Variants in EGFLAM observed in about 807,000 individuals in gnomAD.
EGFLAM encodes the protein EGF like, fibronectin type III and laminin G domains.
A neutral mutation model predicts 113.1 loss-of-function variants in EGFLAM; 79 were observed. The ratio of observed to expected loss-of-function variants is 0.70; its 90% CI spans 0.58 to 0.84. The LOEUF (loss-of-function observed/expected upper bound fraction) is 0.84, where lower values mean the gene tolerates loss of function less well. Ranked by LOEUF, EGFLAM falls within the 40% of genes least tolerant of loss-of-function variation. The pLI is 0.00. For synonymous variants in EGFLAM, 504 were observed against 487.6 expected, an observed-to-expected ratio of 1.03 and a Z score of -0.44; for missense variants, 1,265 against 1,291.6, an observed-to-expected ratio of 0.98 and a Z score of 0.32.
intron 1 of EGFLAM, among the ~76,000 whole-genome samples, chr5:38,320,866 G>T (rs1050504612): frequency 6.6e-6 from 1 of 151,934 alleles, no homozygotes; most frequent in African/African-American, 2.4e-5. Context: ...CCATCTCATG[G>T]GCCTGGAGCA....
intron 17 of EGFLAM, among the ~76,000 whole-genome samples, chr5:38,443,405 A>T (rs1464797250): frequency 1.3e-5 from 2 of 152,232 alleles, no homozygotes; most frequent in Non-Finnish European, 2.9e-5. Context: ...TGTGGATGGT[A>T]TATCATTAAA....
At chr5:38,279,991 G>T (rs74927862) in intron 1 of EGFLAM, among the ~76,000 whole-genome samples, 1,913 of 152,104 alleles carry the variant, frequency 0.013, 38 homozygotes, top group African/African-American at 0.043. Context: ...CACACAATTT[G>T]ATCTTTCAAC....
intron 19 of EGFLAM, 142 bp from the exon 20 acceptor site, chr5:38,458,169 T>C: frequency 1.5e-6 from 1 of 664,488 alleles, no homozygotes; most frequent in African/African-American, 1.8e-5. Flanking sequence ...CCAACAACTT[T>C]TATAACACTC....
rs149878766 is a variant in EGFLAM at position 38,412,729 on chromosome 5, G to A, written c.1494+81G>A. ...TGAGAAGGGCTTACTGCAGAGAGCC[G>A]TGGCAGAGTCTGCAGGATTCAAGTT... On this transcript the variant is annotated intron_variant, in intron 11 of 21. Coordinates refer to ENST00000322350, the MANE Select transcript of EGFLAM (RefSeq NM_152403.4). 2.7e-4 allele frequency: 411 copies of A among 1,524,276 alleles called. 3 individuals carry two copies. Among genetic ancestry groups the A allele is most frequent in the East Asian group, 2.1e-3 (88 of 42,454 alleles). 94.4% of individuals were successfully genotyped at this position (1,524,276 alleles called of 1,614,324 possible).
At chr5:38,308,973 G>A (rs1758796483) in intron 1 of EGFLAM, among the ~76,000 whole-genome samples, 1 of 152,144 alleles carries the variant, frequency 6.6e-6, no homozygotes, top group Non-Finnish European at 1.5e-5. Flanking sequence ...AGGAACACTG[G>A]TGTACTAGAG....
chr5:38,416,956 G>T (rs1405435724), intron 11 of EGFLAM, among the ~76,000 whole-genome samples: 1 of 152,152 alleles, frequency 6.6e-6, no homozygotes, highest in African/African-American at 2.4e-5. Context: ...TTATGTTTCA[G>T]AGTCTTACAC....
chr5:38,260,608 A>G (rs1757476422), intron 1 of EGFLAM, among the ~76,000 whole-genome samples: 1 of 152,192 alleles, frequency 6.6e-6, no homozygotes, highest in Admixed American at 6.5e-5. Flanking sequence ...ACCACCTCTT[A>G]AATACTTTGG....
At chr5:38,409,802 G>T (rs781740621) in intron 10 of EGFLAM, among the ~76,000 whole-genome samples, 10 of 152,140 alleles carry the variant, frequency 6.6e-5, no homozygotes, top group Non-Finnish European at 1.5e-4. Flanking sequence ...TGCCTCCACT[G>T]CCCTCATCGT....
chr5:38,393,171 T>C (rs1740860848), intron 6 of EGFLAM, among the ~76,000 whole-genome samples: 1 of 152,248 alleles, frequency 6.6e-6, no homozygotes, highest in Non-Finnish European at 1.5e-5. Context: ...AATTAGATTG[T>C]ATTTATAAAC....
At chr5:38,308,944 T>G (rs1758795919) in intron 1 of EGFLAM, among the ~76,000 whole-genome samples, 1 of 152,218 alleles carries the variant, frequency 6.6e-6, no homozygotes, top group African/African-American at 2.4e-5. Context: ...AAATGTTGTG[T>G]TGGTAGCTGT....
Position 38,406,225 on chromosome 5 carries a change from A to T in EGFLAM, c.812A>T (p.Asp271Val). 1 of 1,614,122 alleles carries T rather than the reference A, an allele frequency of 6.2e-7. No individual in the cohort carries two copies. Among genetic ancestry groups the T allele is most frequent in the Non-Finnish European group, 8.5e-7 (1 of 1,179,982 alleles). ...GGATTTGAAGACGACTTAGATTTGG[A>T]TATTTCCTTTGAGGAGGTAACAATA... is the stretch of plus-strand genomic sequence containing the variant. ...DEGFEDDLDLDISFEEVKPLP... is the reference protein window; with the variant it reads ...DEGFEDDLDLVISFEEVKPLP... The change falls in exon 7 of 22, where the codon GAT (aspartate) becomes GTT (valine). Residue 271 changes from aspartate to valine, a missense_variant. Coordinates refer to ENST00000322350, the MANE Select transcript of EGFLAM (RefSeq NM_152403.4).
chr5:38,386,037 T>G (rs1320051842), intron 6 of EGFLAM, among the ~76,000 whole-genome samples: 1 of 152,172 alleles, frequency 6.6e-6, no homozygotes, highest in Non-Finnish European at 1.5e-5. Context: ...CAATTACACA[T>G]GGAAAAGGTA....
chr5:38,422,050 G>A (rs74983833), intron 12 of EGFLAM, among the ~76,000 whole-genome samples: 2,901 of 152,102 alleles, frequency 0.019, 93 homozygotes, highest in African/African-American at 0.064. Flanking sequence ...AGATCATTAG[G>A]GGAAAAATAG....
At chr5:38,274,781 A>C (rs1757846221) in intron 1 of EGFLAM, among the ~76,000 whole-genome samples, 2 of 152,222 alleles carry the variant, frequency 1.3e-5, no homozygotes, top group African/African-American at 4.8e-5. Flanking sequence ...GAATGGTAAA[A>C]GTAAGTACAC....
intron 3 of EGFLAM, among the ~76,000 whole-genome samples, chr5:38,343,371 A>C (rs1055104122): frequency 4.1e-5 from 6 of 146,548 alleles, no homozygotes; most frequent in African/African-American, 1.5e-4. Flanking sequence ...GCGCCATTGC[A>C]CTCTAGCCTG....
chr5:38,443,559 A>T (rs1433441122), intron 17 of EGFLAM, among the ~76,000 whole-genome samples: 3 of 152,138 alleles, frequency 2.0e-5, no homozygotes, highest in African/African-American at 7.2e-5. Flanking sequence ...CTCTGTACCT[A>T]GTAGAATGGT....
In EGFLAM at chr5:38,337,563, C is replaced by A. The variant is rs1739221023; in HGVS notation, c.141C>A (p.Asn47Lys). Residue 47 changes from asparagine (N) to lysine (K), a missense_variant, in exon 2 of 22, where the codon AAC becomes AAA. Transcript: ENST00000322350. ...PPLDIKLGAL[N>K]CTAFSIQWKM... ...TTGACATCAAGCTGGGCGCATTGAA[C>A]TGTACGGCTTTCAGCATCCAGTGGA... 6.2e-7 allele frequency: 1 copy of A among 1,606,946 alleles called. No homozygotes were observed. Among genetic ancestry groups the A allele is most frequent in the East Asian group, 2.2e-5 (1 of 44,828 alleles).
intron 8 of EGFLAM, 73 bp downstream of exon 8, chr5:38,407,219 C>A: frequency 6.7e-7 from 1 of 1,500,064 alleles, no homozygotes; most frequent in South Asian, 1.2e-5. Flanking sequence ...GTTTTGTGGT[C>A]CAAACATAGT....
chr5:38,462,188 TAAAC>T (rs900135503), intron 20 of EGFLAM, among the ~76,000 whole-genome samples: 1 of 151,924 alleles, frequency 6.6e-6, no homozygotes, highest in African/African-American at 2.4e-5. Flanking sequence ...TAAAATAAAA[TAAAC>T]AGAAACTTCT....
Sources: gnomAD v4.1 joint callset for allele counts (sites outside exome capture counted in the v4.1 genomes callset) on GRCh38, gnomAD v4.1.1 for gene constraint, MANE v1.5 for transcripts, NCBI Gene and HGNC (gene_info 2026-07-23, HGNC 2026-07-21) for gene names.